Variants in KDM2A observed in about 807,000 individuals in gnomAD.
The protein encoded by KDM2A is lysine-specific demethylase 2A.
A neutral mutation model predicts 137.3 loss-of-function variants in KDM2A; 3 were observed. The ratio of observed to expected loss-of-function variants is 0.02; its 90% CI spans 0.01 to 0.06. KDM2A has a LOEUF of 0.06. Ranked by LOEUF, KDM2A falls within the 10% of genes least tolerant of loss-of-function variation. KDM2A has a pLI of 1.00. For synonymous variants in KDM2A, 512 were observed against 541.5 expected, an observed-to-expected ratio of 0.95 and a Z score of 0.76; for missense variants, 738 against 1,510.6, an observed-to-expected ratio of 0.49 and a Z score of 8.48.
intron 10 of KDM2A, among the ~76,000 whole-genome samples, chr11:67,223,714 C>CT (rs1565412213): frequency 6.6e-6 from 1 of 151,998 alleles, no homozygotes; most frequent in Non-Finnish European, 1.5e-5. Context: ...CCAGACTCTT[C>CT]TTTTTTTTAA....
chr11:67,253,301 C>T (rs181390710), intron 18 of KDM2A, among the ~76,000 whole-genome samples, 152 bp from the exon 19 acceptor site: 7 of 152,262 alleles, frequency 4.6e-5, no homozygotes, highest in African/African-American at 1.7e-4. Context: ...GTATAGGATA[C>T]CATGGAAATC....
intron 10 of KDM2A, among the ~76,000 whole-genome samples, chr11:67,225,327 C>T (rs1200013930): frequency 6.6e-6 from 1 of 152,170 alleles, no homozygotes; most frequent in Non-Finnish European, 1.5e-5. Flanking sequence ...ACATAGCATT[C>T]CTATGCGTGA....
At chr11:67,163,123 A>G (rs1041027413) in intron 2 of KDM2A, among the ~76,000 whole-genome samples, 3 of 152,134 alleles carry the variant, frequency 2.0e-5, no homozygotes, top group African/African-American at 7.2e-5. Context: ...GATATCCAGA[A>G]TTTTGCTCTT....
intron 5 of KDM2A, among the ~76,000 whole-genome samples, chr11:67,182,180 T>TA (rs1305272558): frequency 1.3e-5 from 2 of 152,136 alleles, no homozygotes; most frequent in African/African-American, 2.4e-5. Context: ...ACCGAAAACT[T>TA]ACATCTCTTA....
chr11:67,153,521 C>T (rs1402939284), intron 2 of KDM2A, among the ~76,000 whole-genome samples: 1 of 152,086 alleles, frequency 6.6e-6, no homozygotes, highest in Non-Finnish European at 1.5e-5. Flanking sequence ...TTTGAAAAAG[C>T]TCAAACACAG....
At chr11:67,233,097 A>G (rs1274357405) in intron 12 of KDM2A, among the ~76,000 whole-genome samples, 1 of 152,208 alleles carries the variant, frequency 6.6e-6, no homozygotes, top group East Asian at 1.9e-4. Context: ...AAAGCTGGAA[A>G]TAGCAATTTT....
At chr11:67,159,293 G>A (rs1856585614) in intron 2 of KDM2A, among the ~76,000 whole-genome samples, 1 of 152,172 alleles carries the variant, frequency 6.6e-6, no homozygotes, top group Admixed American at 6.5e-5. Flanking sequence ...CTACATCCGA[G>A]TTACCTTTGG....
rs569031801 is a variant in KDM2A at position 67,162,394 on chromosome 11, T to C, written c.43-17685T>C. Reference sequence around the variant, plus strand: ...CAACACAGGAAAGTAGATATGATTTTTATTTTATTTTATTTGTATATATTT... The same window carrying C: ...CAACACAGGAAAGTAGATATGATTTCTATTTTATTTTATTTGTATATATTT... On this transcript the variant is annotated intron_variant, in intron 2 of 20. Transcript: ENST00000529006. Among the ~76,000 whole-genome samples, 169 of 152,240 alleles carry C rather than the reference T, an allele frequency of 1.1e-3. 1 individual carries two copies. Among genetic ancestry groups the C allele is most frequent in the Middle Eastern group, 3.4e-3 (1 of 294 alleles).
chr11:67,158,381 C>G (rs1234862953), intron 2 of KDM2A, among the ~76,000 whole-genome samples: 2 of 152,178 alleles, frequency 1.3e-5, no homozygotes, highest in Non-Finnish European at 1.5e-5. Context: ...TAAAGCCGCT[C>G]TGAATATTTA....
intron 5 of KDM2A, among the ~76,000 whole-genome samples, chr11:67,191,761 T>C (rs1334261267): frequency 6.6e-6 from 1 of 152,158 alleles, no homozygotes; most frequent in Non-Finnish European, 1.5e-5. Flanking sequence ...ACCAAAAGCA[T>C]TTAAGATCAG....
At chr11:67,171,441 A>G (rs551303704) in intron 2 of KDM2A, among the ~76,000 whole-genome samples, 8 of 152,162 alleles carry the variant, frequency 5.3e-5, no homozygotes, top group African/African-American at 1.9e-4. Flanking sequence ...TTATTTTAGA[A>G]CATAATGGGG....
chr11:67,185,555 G>A (rs1057483872), intron 5 of KDM2A, among the ~76,000 whole-genome samples: 3 of 151,806 alleles, frequency 2.0e-5, no homozygotes, highest in East Asian at 1.9e-4. Context: ...TATTGAACCC[G>A]GGAGGTGGAG....
intron 2 of KDM2A, among the ~76,000 whole-genome samples, chr11:67,164,049 C>G (rs1462132403): frequency 6.6e-6 from 1 of 152,092 alleles, no homozygotes; most frequent in Admixed American, 6.6e-5. Context: ...CTACTCTATA[C>G]AGCCTCTTTT....
chr11:67,151,840 G>A (rs1856397776), intron 2 of KDM2A, among the ~76,000 whole-genome samples: 1 of 151,958 alleles, frequency 6.6e-6, no homozygotes, highest in Non-Finnish European at 1.5e-5. Context: ...GAACTCCTGG[G>A]CTTAAGCAAT....
chr11:67,127,762 C>A (rs1021477353), intron 2 of KDM2A, among the ~76,000 whole-genome samples: 1 of 152,130 alleles, frequency 6.6e-6, no homozygotes, highest in South Asian at 2.1e-4. Flanking sequence ...GGCTGGAGTG[C>A]TATGACGCAA....
At chr11:67,212,252 T>C (rs756813047) in intron 6 of KDM2A, among the ~76,000 whole-genome samples, 2 of 152,038 alleles carry the variant, frequency 1.3e-5, no homozygotes, top group Non-Finnish European at 2.9e-5. Context: ...AATGTTGACA[T>C]AAAAGAAATA....
intron 5 of KDM2A, among the ~76,000 whole-genome samples, chr11:67,192,027 A>C (rs936646592): frequency 6.6e-6 from 1 of 152,236 alleles, no homozygotes; most frequent in East Asian, 1.9e-4. Context: ...ATTACGGAGA[A>C]TATCATTAAC....
intron 8 of KDM2A, among the ~76,000 whole-genome samples, chr11:67,217,218 G>T (rs548042226): frequency 2.0e-4 from 27 of 136,028 alleles, no homozygotes. Context: ...CTCCAGCCTG[G>T]ACTACAAGAG....
At position 67,254,601 on chromosome 11, in the gene KDM2A, A is replaced by C. The variant is rs1416547048; in HGVS notation, c.3307+183A>C. 3.0e-6 allele frequency: 2 copies of C among 655,804 alleles called. No individual in the cohort carries two copies. Among genetic ancestry groups the C allele is most frequent in the African/African-American group, 1.8e-5 (1 of 55,000 alleles). The allele number at this position is 655,804 out of a possible 1,614,324, so 40.6% of individuals were successfully genotyped here. A position where few individuals can be genotyped will look rare whatever the true frequency, so the allele number is the denominator to read the frequency against. On this transcript the variant is annotated intron_variant, in intron 20 of 20. Coordinates refer to ENST00000529006, the MANE Select transcript of KDM2A (RefSeq NM_012308.3). The surrounding 1 kb of genome is among the most constrained non-coding windows in gnomAD (Gnocchi z 4.7). Reference sequence around the variant, plus strand: ...TAACTGATGGGGGACTGAGGCCTTGAGTAGTTAAGTCGGTTGCCTGTCTGC... The same window carrying C: ...TAACTGATGGGGGACTGAGGCCTTGCGTAGTTAAGTCGGTTGCCTGTCTGC...
Sources: gnomAD v4.1 joint callset for allele counts (sites outside exome capture counted in the v4.1 genomes callset) on GRCh38, gnomAD v4.1.1 for gene constraint, Gnocchi (gnomAD v3.1) non-coding constraint, MANE v1.5 for transcripts, NCBI Gene and HGNC (gene_info 2026-07-23, HGNC 2026-07-21) for gene names.